Variants in MRPL4 observed in about 807,000 individuals in gnomAD.
MRPL4 encodes the protein large ribosomal subunit protein uL4m.
A neutral mutation model predicts 34.1 loss-of-function variants in MRPL4; 34 were observed. The observed-to-expected ratio is 1.00, with a 90% CI of 0.76 to 1.33. The LOEUF is 1.33. Ranked by LOEUF, MRPL4 falls within the 40% of genes most tolerant of loss-of-function variation. The pLI, the probability that MRPL4 is intolerant of heterozygous loss-of-function variation, is 0.00. For synonymous variants in MRPL4, 196 were observed against 188.3 expected, an observed-to-expected ratio of 1.04 and a Z score of -0.33; for missense variants, 402 against 434.6, an observed-to-expected ratio of 0.92 and a Z score of 0.67.
rs942630451 is a variant in MRPL4 at position 10,256,083 on chromosome 19, C to T, written c.328-625C>T. ...CGGATGGATCACGAGGTCGGGAGAT[C>T]GAGACCAGCCTGACCAATATGGTGA... On this transcript the variant is annotated intron_variant, in intron 4 of 8. Transcript: ENST00000253099. Among the ~76,000 whole-genome samples, 11 of 152,046 alleles carry T rather than the reference C, an allele frequency of 7.2e-5. No individual in the cohort carries two copies. The South Asian group carries it at 1.2e-3, about 17-fold the overall frequency.
At chr19:10,258,726 G>C (rs778859140) in intron 8 of MRPL4, 41 bp downstream of exon 8, 17 of 1,613,842 alleles carry the variant, frequency 1.1e-5, no homozygotes, top group Middle Eastern at 3.3e-4. Context: ...GCATGTGCAG[G>C]CTCCGCTGTT....
intron 4 of MRPL4, 148 bp from the exon 5 acceptor site, chr19:10,256,560 C>T: frequency 1.6e-6 from 1 of 619,392 alleles, no homozygotes; most frequent in East Asian, 3.0e-5. Flanking sequence ...CTTTACCCTC[C>T]CCCTCGCTCC....
chr19:10,252,921 A>C (rs995657519), intron 3 of MRPL4: 2 of 637,736 alleles, frequency 3.1e-6, no homozygotes, highest in Non-Finnish European at 5.1e-6. Flanking sequence ...AGGGAGACAG[A>C]ATTCTGGAGC....
At position 10,252,265 on chromosome 19, in the gene MRPL4, C is replaced by G. The variant is rs1014656826; in HGVS notation, c.12C>G (p.Phe4Leu). 1.2e-6 allele frequency: 2 copies of G among 1,607,050 alleles called. No homozygotes were observed. The highest frequency in any genetic ancestry group is 1.7e-6 in the Non-Finnish European group (2 of 1,177,418). The change falls in exon 1 of 9, where the codon TTC becomes TTG. Residue 4 changes from phenylalanine (F) to leucine (L), a missense_variant. Physicochemically the swap from Phe to Leu is conservative, Grantham distance 22 (BLOSUM62 0). Coordinates refer to ENST00000253099, the MANE Select transcript of MRPL4 (RefSeq NM_015956.3). MLQ[F>L]VRAGARAWLR... is the part of the protein sequence containing the mutation. ...GAGGCTGCGCGGCGATGCTGCAGTT[C>G]GTCCGGGCCGGGGCGCGGGCCTGGC...
chr19:10,252,553 C>G lies in MRPL4; in HGVS notation c.127C>G (p.Leu43Val), dbSNP rs2039803281. 1 of 1,613,010 alleles carries G rather than the reference C, an allele frequency of 6.2e-7. No individual in the cohort carries two copies. Residue 43 changes from leucine to valine, a missense_variant and splice_region_variant, in exon 3 of 9, where the codon CTC (leucine) becomes GTC (valine). Transcript: ENST00000253099. ...TCTGACCCCCGCAATCGCTCCAGGT[C>G]TCCCGGAGCCCGTGCTGCGCAAAGT... ...ENPEQVASEG[L>V]PEPVLRKVEL...
intron 8 of MRPL4, 123 bp from the exon 9 acceptor site, chr19:10,259,493 CA>C (rs1302291252): frequency 1.2e-5 from 18 of 1,468,310 alleles, no homozygotes; most frequent in Non-Finnish European, 1.6e-5. Context: ...GCTGGGCTCA[CA>C]AAGTCACACT....
rs2039893692 is a variant in MRPL4, at chr19:10,259,749, G to A, written c.872G>A (p.Ser291Asn). The change falls in exon 9 of 9, where the codon AGC (serine) becomes AAC (asparagine). Residue 291 changes from serine to asparagine, a missense_variant. Coordinates refer to ENST00000253099, the MANE Select transcript of MRPL4 (RefSeq NM_015956.3). The part of the protein sequence containing the change: ...RPLYPFSLPY[S>N]DFPRPLPHAT... The stretch of plus-strand genomic sequence containing the variant: ...CTCTACCCCTTCAGCCTGCCCTACA[G>A]CGACTTCCCCCGACCCCTACCCCAC... 2 of 1,613,920 alleles carry A rather than the reference G, an allele frequency of 1.2e-6. No homozygotes were observed. The highest frequency in any genetic ancestry group is 3.3e-5 in the Admixed American group (2 of 59,988).
At chr19:10,259,544 G>C in intron 8 of MRPL4, 73 bp from the exon 9 acceptor site, 2 of 1,537,454 alleles carry the variant, frequency 1.3e-6, no homozygotes, top group African/African-American at 1.4e-5. Context: ...AAGGGACTCC[G>C]ATGTGGGTGG....
At chr19:10,256,408 T>TTGCACTCC (rs1345835023) in intron 4 of MRPL4, among the ~76,000 whole-genome samples, 1 of 151,952 alleles carries the variant, frequency 6.6e-6, no homozygotes, top group African/African-American at 2.4e-5. Context: ...GTCACACCAC[T>TTGCACTCC]TGCACTCCAC....
In MRPL4 at chr19:10,252,718, ATGG is replaced by A. The variant is rs760288678; in HGVS notation, c.275+20_275+22del. On this transcript the variant is annotated intron_variant, in intron 3 of 8. Transcript: ENST00000253099. The stretch of plus-strand genomic sequence containing the variant: ...CGCGCCCAGGTGAGCGAGGGCTGTA[ATGG>A]TGAACTGAGTGGCAGAGGGATGAAG... The A allele has an allele frequency of 1.1e-5, 17 of 1,596,150 alleles. No homozygotes were observed. In the South Asian group the frequency reaches 1.9e-4, roughly 18 times the overall value.
In MRPL4 at chr19:10,252,420, G is replaced by C. The variant is rs1421038659; in HGVS notation, c.81G>C (p.Glu27Asp). The change falls in exon 2 of 9, where the codon GAG becomes GAC. Residue 27 changes from glutamate to aspartate, a missense_variant. Coordinates refer to ENST00000253099, the MANE Select transcript of MRPL4 (RefSeq NM_015956.3). ...AGGGCCTGAGTTCCCTGGCGGAAGA[G>C]GCAGCGCGTGCGACCGAGAACCCGG... The part of the protein sequence containing the change: ...GSQGLSSLAE[E>D]AARATENPEQ... The C allele has an allele frequency of 3.1e-6, 5 of 1,613,984 alleles. No individual in the cohort carries two copies. In the African/African-American group the frequency reaches 6.7e-5, roughly 22 times the overall value.
At position 10,254,461 on chromosome 19, in the gene MRPL4, G is replaced by A; in HGVS notation, c.276-128G>A. 3 of 995,030 alleles carry A rather than the reference G, an allele frequency of 3.0e-6. No homozygotes were observed. In the South Asian group the frequency reaches 4.6e-5, roughly 15 times the overall value. 61.6% of individuals were successfully genotyped at this position (995,030 alleles called of 1,614,324 possible). ...CCCTGAGGCAGAATTTCAAGATGGG[G>A]TCAGTGAGGGGCAGAGGCAAATCGC... On this transcript the variant is annotated intron_variant, in intron 3 of 8. Coordinates refer to ENST00000253099, the MANE Select transcript of MRPL4 (RefSeq NM_015956.3).
rs1490555741 is a variant in MRPL4 at position 10,252,533 on chromosome 19, C to T, written c.125-18C>T. Reference sequence around the variant, plus strand: ...TCTGACCCTTGACCCTAACCTCTGACCCCCGCAATCGCTCCAGGTCTCCCG... The same window carrying T: ...TCTGACCCTTGACCCTAACCTCTGATCCCCGCAATCGCTCCAGGTCTCCCG... On this transcript the variant is annotated intron_variant, in intron 2 of 8. Transcript: ENST00000253099. 1.2e-6 allele frequency: 2 copies of T among 1,613,166 alleles called. No individual in the cohort carries two copies. The highest frequency in any genetic ancestry group is 1.3e-5 in the African/African-American group (1 of 75,002).
intron 8 of MRPL4, chr19:10,258,958 G>C: frequency 7.0e-7 from 1 of 1,419,004 alleles, no homozygotes; most frequent in Non-Finnish European, 9.2e-7. Flanking sequence ...AAAAAAGTTA[G>C]GCGTGGCGAT....
At chr19:10,251,951 G>A (rs996036262), upstream of MRPL4, 12 of 482,490 alleles carry the variant, frequency 2.5e-5, no homozygotes, top group Non-Finnish European at 4.0e-5. Context: ...GCACCGGCTC[G>A]TCGGAGGCGG....
intron 5 of MRPL4, 41 bp downstream of exon 5, chr19:10,256,866 G>GGGGGGGGGGGGGTGGGGGGGGGGGGGGC: frequency 2.6e-6 from 1 of 378,382 alleles, no homozygotes; most frequent in Non-Finnish European, 5.0e-6. Context: ...GGGTGGGGGG[G>GGGGGGGGGGGGGTGGGGGGGGGGGGGGC]CCAGGGAAGG....
At chr19:10,253,277 C>T (rs997655973) in intron 3 of MRPL4, among the ~76,000 whole-genome samples, 1 of 150,180 alleles carries the variant, frequency 6.7e-6, no homozygotes, top group East Asian at 2.0e-4. Flanking sequence ...GAGATCGAGA[C>T]CATCCTGGCT....
chr19:10,259,265 T>C (rs1387482095), intron 8 of MRPL4: 1 of 1,337,234 alleles, frequency 7.5e-7, no homozygotes, highest in Non-Finnish European at 9.5e-7. Flanking sequence ...AAAGCCCAAG[T>C]CATCAGGGTG....
At position 10,252,556 on chromosome 19, in the gene MRPL4, C is replaced by T; in HGVS notation, c.130C>T (p.Pro44Ser). The change falls in exon 3 of 9, where the codon CCG (proline) becomes TCG (serine). Residue 44 changes from proline (P) to serine (S), a missense_variant. Pro to Ser is a moderately conservative substitution (Grantham distance 74). Coordinates refer to ENST00000253099, the MANE Select transcript of MRPL4 (RefSeq NM_015956.3). ...GACCCCCGCAATCGCTCCAGGTCTC[C>T]CGGAGCCCGTGCTGCGCAAAGTCGA... ...NPEQVASEGL[P>S]EPVLRKVELP... The T allele has an allele frequency of 1.2e-6, 2 of 1,613,182 alleles. No individual in the cohort carries two copies. Among genetic ancestry groups the T allele is most frequent in the Non-Finnish European group, 1.7e-6 (2 of 1,179,572 alleles).
Sources: gnomAD v4.1 joint callset for allele counts (sites outside exome capture counted in the v4.1 genomes callset) on GRCh38, gnomAD v4.1.1 for gene constraint, MANE v1.5 for transcripts, NCBI Gene and HGNC (gene_info 2026-07-23, HGNC 2026-07-21) for gene names.